Variants in NFIB observed in about 807,000 individuals in gnomAD.
NFIB encodes nuclear factor 1 B-type.
NFIB carries 11 observed loss-of-function variants against 61.5 expected under a neutral mutation model. That is an observed-to-expected ratio of 0.18 (90% CI 0.11 to 0.30). The LOEUF (loss-of-function observed/expected upper bound fraction) is 0.30, where lower values mean the gene tolerates loss of function less well. Among genes scored for constraint, NFIB ranks in the 10% least tolerant of loss-of-function variants. NFIB has a pLI of 1.00. For missense variants in NFIB, 471 were observed against 608.9 expected, an observed-to-expected ratio of 0.77 and a Z score of 2.38; for synonymous variants, 260 against 216.5, an observed-to-expected ratio of 1.20 and a Z score of -1.76.
chr9:14,507,255 T>A, the NFIB span, among the ~76,000 whole-genome samples: 1 of 152,232 alleles, frequency 6.6e-6, no homozygotes, highest in Non-Finnish European at 1.5e-5. Flanking sequence ...TCCACTATCA[T>A]GATCTTAAAA....
chr9:14,417,187 G>C, the NFIB span, among the ~76,000 whole-genome samples: 1 of 151,994 alleles, frequency 6.6e-6, no homozygotes, highest in African/African-American at 2.4e-5. Flanking sequence ...CACCACACCC[G>C]GCCTTAAATC....
At chr9:14,198,474 C>A (rs1469013323) in intron 2 of NFIB, among the ~76,000 whole-genome samples, 1 of 152,124 alleles carries the variant, frequency 6.6e-6, no homozygotes. Context: ...TCCAATTAAA[C>A]ACAGAGCTCC....
chr9:14,424,384 A>G, the NFIB span, among the ~76,000 whole-genome samples: 1 of 152,212 alleles, frequency 6.6e-6, no homozygotes. Flanking sequence ...TGGAAATAGC[A>G]TATTGGAATT....
At position 14,084,840 on chromosome 9, in the gene NFIB, C is replaced by A; in HGVS notation, c.*3469G>T. On this transcript the variant is annotated 3_prime_UTR_variant, in exon 11 of 11. Coordinates refer to ENST00000380953, the MANE Select transcript of NFIB (RefSeq NM_001190737.2). ...AGTAGTACTTTTAATAGTTTTATCT[C>A]AAAAAGGAAAGAAGAAAAAATTGAT... 4.5e-6 allele frequency: 1 copy of A among 224,086 alleles called. No individual in the cohort carries two copies. Among genetic ancestry groups the A allele is most frequent in the Non-Finnish European group, 8.7e-6 (1 of 114,374 alleles). The allele number at this position is 224,086 out of a possible 1,614,324, so 13.9% of individuals were successfully genotyped here.
chr9:14,392,151 G>T (rs148877622), intron 1 of NFIB, among the ~76,000 whole-genome samples: 444 of 152,294 alleles, frequency 2.9e-3, no homozygotes, highest in African/African-American at 7.5e-3. Context: ...CTGAGAAACT[G>T]CCACAGCCAA....
At chr9:14,525,142 C>T in the NFIB span, among the ~76,000 whole-genome samples, 1 of 152,170 alleles carries the variant, frequency 6.6e-6, no homozygotes, top group Non-Finnish European at 1.5e-5. Context: ...TTCTCAGACA[C>T]AGCTCTGGAG....
chr9:14,285,553 G>T (rs1026599433), intron 2 of NFIB, among the ~76,000 whole-genome samples: 1 of 152,102 alleles, frequency 6.6e-6, no homozygotes, highest in Admixed American at 6.5e-5. Flanking sequence ...TCATTATCTA[G>T]AATTACAGTT....
At chr9:14,101,142 G>A (rs1158540234) in intron 10 of NFIB, among the ~76,000 whole-genome samples, 1 of 151,844 alleles carries the variant, frequency 6.6e-6, no homozygotes, top group Non-Finnish European at 1.5e-5. Flanking sequence ...AATCATTAAG[G>A]CTATTTGGAT....
At chr9:14,155,443 T>G (rs908619963) in intron 4 of NFIB, among the ~76,000 whole-genome samples, 3 of 152,158 alleles carry the variant, frequency 2.0e-5, no homozygotes, top group African/African-American at 7.2e-5. Context: ...CACCAAAATG[T>G]TAGTAAAATG....
intron 2 of NFIB, among the ~76,000 whole-genome samples, chr9:14,238,076 T>C (rs541318815): frequency 2.0e-5 from 3 of 149,676 alleles, no homozygotes; most frequent in African/African-American, 7.4e-5. Context: ...AAGAAGAGAG[T>C]GGTAGCTGGA....
intron 2 of NFIB, among the ~76,000 whole-genome samples, chr9:14,285,270 A>G (rs1434862718): frequency 6.6e-6 from 1 of 152,018 alleles, no homozygotes; most frequent in Non-Finnish European, 1.5e-5. Context: ...TTATAGGTGC[A>G]CACCACCACA....
intron 2 of NFIB, among the ~76,000 whole-genome samples, chr9:14,257,016 A>G (rs902969095): frequency 6.6e-6 from 1 of 152,232 alleles, no homozygotes; most frequent in African/African-American, 2.4e-5. Flanking sequence ...AAGGGCCCAC[A>G]TAGTAACAAA....
chr9:14,242,767 C>A (rs555193036), intron 2 of NFIB, among the ~76,000 whole-genome samples: 2 of 152,248 alleles, frequency 1.3e-5, no homozygotes, highest in South Asian at 4.2e-4. Context: ...ACCCTGGCTC[C>A]ATAGGAATGC....
chr9:14,456,254 G>C, the NFIB span, among the ~76,000 whole-genome samples: 2 of 150,228 alleles, frequency 1.3e-5, no homozygotes, highest in African/African-American at 4.9e-5. Flanking sequence ...AATATCACTT[G>C]GCTTTTAAAA....
chr9:14,299,155 C>T (rs2059613654), intron 2 of NFIB, among the ~76,000 whole-genome samples: 1 of 152,090 alleles, frequency 6.6e-6, no homozygotes, highest in Non-Finnish European at 1.5e-5. Flanking sequence ...CAGAATATAC[C>T]CTACTTCAAA....
In NFIB at chr9:14,272,506, C is replaced by T. The variant is rs565642756; in HGVS notation, c.562+34483G>A. ...ATAAATTTAAAGCCTCTTCATCTTCCTGCAATATCTTTAGTATTAAAAGAA... is the reference window on the plus strand; with the variant it reads ...ATAAATTTAAAGCCTCTTCATCTTCTTGCAATATCTTTAGTATTAAAAGAA... On this transcript the variant is annotated intron_variant, in intron 2 of 10. Coordinates refer to ENST00000380953, the MANE Select transcript of NFIB (RefSeq NM_001190737.2). 2.6e-5 allele frequency among the ~76,000 whole-genome samples: 4 copies of T among 152,000 alleles called. No individual in the cohort carries two copies. The East Asian group carries it at 7.7e-4, about 29-fold the overall frequency.
chr9:14,358,429 GT>G (rs1188366067), intron 1 of NFIB, among the ~76,000 whole-genome samples: 4 of 152,108 alleles, frequency 2.6e-5, no homozygotes, highest in South Asian at 4.1e-4. Context: ...GAAAAACTGT[GT>G]TTTTTTCCAT....
At chr9:14,486,793 C>T in the NFIB span, among the ~76,000 whole-genome samples, 6 of 152,186 alleles carry the variant, frequency 3.9e-5, no homozygotes, top group Admixed American at 1.3e-4. Context: ...TGGGGTATAA[C>T]TGGATGGTGG....
At chr9:14,430,481 C>T in the NFIB span, among the ~76,000 whole-genome samples, 1 of 152,192 alleles carries the variant, frequency 6.6e-6, no homozygotes, top group East Asian at 1.9e-4. Context: ...GCCATGTGAT[C>T]AAAATCAGGA....
Sources: allele counts gnomAD v4.1 joint callset (sites outside exome capture counted in the v4.1 genomes callset), GRCh38; gene constraint gnomAD v4.1.1; transcripts MANE v1.5; gene names NCBI Gene and HGNC (gene_info 2026-07-23, HGNC 2026-07-21).